The following CHD6 variants were observed in gnomAD, a reference collection of about 807,000 sequenced individuals.
CHD6 encodes the protein chromodomain helicase DNA binding protein 6.
CHD6 carries 50 observed loss-of-function variants against 276.9 expected under a neutral mutation model. That is an observed-to-expected ratio of 0.18 (90% CI 0.14 to 0.23). CHD6 has a LOEUF of 0.23. CHD6 is among the 10% of genes least tolerant of loss of function. The probability of loss-of-function intolerance (pLI) is 1.00; values close to 1 mark genes in which losing one functional copy is unlikely to be tolerated. For synonymous variants in CHD6, 1,173 were observed against 1,229.3 expected (o/e 0.95, Z 0.96); for missense variants, 2,564 against 3,365.8 (o/e 0.76, Z 5.89).
At chr20:41,598,257 G>A (rs768430125) in intron 1 of CHD6, among the ~76,000 whole-genome samples, 33 of 152,022 alleles carry the variant, frequency 2.2e-4, no homozygotes, top group Admixed American at 5.2e-4. Flanking sequence ...AATTAGTTTC[G>A]TTGCCTCGTC....
At chr20:41,515,429 A>C (rs1306991493) in intron 3 of CHD6, among the ~76,000 whole-genome samples, 1 of 152,172 alleles carries the variant, frequency 6.6e-6, no homozygotes, top group Admixed American at 6.5e-5. Flanking sequence ...ACAAGCTTAC[A>C]ATTATGAAAA....
At chr20:41,457,053 A>AT (rs879337331) in intron 18 of CHD6, among the ~76,000 whole-genome samples, 3 of 152,206 alleles carry the variant, frequency 2.0e-5, no homozygotes, top group Admixed American at 2.0e-4. Context: ...ATCCTACCTC[A>AT]TAACTGCTTC....
intron 16 of CHD6, among the ~76,000 whole-genome samples, chr20:41,482,747 T>C (rs1422042951): frequency 6.6e-6 from 1 of 152,192 alleles, no homozygotes; most frequent in Non-Finnish European, 1.5e-5. Flanking sequence ...CACAGACTTT[T>C]TACTTGCATG....
At chr20:41,453,751 A>C (rs2048310539) in intron 20 of CHD6, among the ~76,000 whole-genome samples, 1 of 152,222 alleles carries the variant, frequency 6.6e-6, no homozygotes, top group Non-Finnish European at 1.5e-5. Context: ...TGATTGCGAC[A>C]CTGTGAAACA....
At chr20:41,488,300 G>C in intron 13 of CHD6, 128 bp downstream of exon 13, 1 of 883,844 alleles carries the variant, frequency 1.1e-6, no homozygotes. Flanking sequence ...CAGTTATAGA[G>C]ACCAAAAAAG....
intron 31 of CHD6, among the ~76,000 whole-genome samples, chr20:41,419,888 T>C (rs2047129728): frequency 6.6e-6 from 1 of 152,208 alleles, no homozygotes; most frequent in Non-Finnish European, 1.5e-5. Context: ...TCTTAACATT[T>C]TGAAATTCCT....
intron 1 of CHD6, among the ~76,000 whole-genome samples, chr20:41,606,382 C>T (rs1431295742): frequency 1.3e-5 from 2 of 152,162 alleles, no homozygotes; most frequent in South Asian, 2.1e-4. Context: ...GGCGTGGTGG[C>T]GGGTGCCTGT....
intron 31 of CHD6, among the ~76,000 whole-genome samples, chr20:41,420,020 G>A (rs561810298): frequency 1.1e-4 from 16 of 152,262 alleles, no homozygotes; most frequent in African/African-American, 3.9e-4. Flanking sequence ...CTGACCTTAA[G>A]CCACACAGTT....
chr20:41,429,467 T>A (rs762042073), intron 27 of CHD6, among the ~76,000 whole-genome samples: 1 of 152,178 alleles, frequency 6.6e-6, no homozygotes, highest in Non-Finnish European at 1.5e-5. Context: ...ATTCTATGAC[T>A]CTCTGAACGC....
Position 41,473,268 on chromosome 20 carries a change from G to T in CHD6, c.2664+54C>A. The T allele has an allele frequency of 6.5e-7, 1 of 1,546,594 alleles. No individual in the cohort carries two copies. Among genetic ancestry groups the T allele is most frequent in the South Asian group, 1.2e-5 (1 of 85,914 alleles). ...CTGTAGCCAAGCCAGGCCCTATCAT[G>T]ATGTTCTGGGATCCAGGGCAGCTAA... On this transcript the variant is annotated intron_variant, in intron 17 of 36. Transcript: ENST00000373233. The surrounding 1 kb of genome is among the most constrained non-coding windows in gnomAD (Gnocchi z 4.1).
intron 1 of CHD6, among the ~76,000 whole-genome samples, chr20:41,607,615 A>C (rs1202089149): frequency 2.0e-5 from 3 of 152,128 alleles, no homozygotes; most frequent in African/African-American, 7.2e-5. Flanking sequence ...GGGGAGAGAG[A>C]TTGCTTCAAG....
At chr20:41,558,333 T>C (rs1031534516) in intron 1 of CHD6, among the ~76,000 whole-genome samples, 1 of 152,214 alleles carries the variant, frequency 6.6e-6, no homozygotes, top group Admixed American at 6.5e-5. Context: ...GCTGACAACA[T>C]GTGCCTCAGA....
At chr20:41,604,919 G>C (rs538677236) in intron 1 of CHD6, among the ~76,000 whole-genome samples, 3 of 152,230 alleles carry the variant, frequency 2.0e-5, no homozygotes, top group South Asian at 4.2e-4. Context: ...TCCTAATGGG[G>C]GACAGGGAGT....
chr20:41,435,650 T>G (rs1483354554), intron 27 of CHD6, among the ~76,000 whole-genome samples: 1 of 149,662 alleles, frequency 6.7e-6, no homozygotes, highest in Non-Finnish European at 1.5e-5. Context: ...TACAGTAAGA[T>G]TCAGTACTGT....
At chr20:41,587,290 A>T (rs1229692688) in intron 1 of CHD6, among the ~76,000 whole-genome samples, 1 of 152,254 alleles carries the variant, frequency 6.6e-6, no homozygotes, top group Non-Finnish European at 1.5e-5. Context: ...GTTATAAACT[A>T]ACTTTAAATT....
chr20:41,528,495 T>C (rs1055472447), intron 3 of CHD6, among the ~76,000 whole-genome samples: 6 of 152,142 alleles, frequency 3.9e-5, no homozygotes, highest in African/African-American at 1.4e-4. Context: ...GTCAGGAAAA[T>C]GACAGAGCCT....
At chr20:41,517,410 T>C (rs1014731224) in intron 3 of CHD6, among the ~76,000 whole-genome samples, 1 of 152,052 alleles carries the variant, frequency 6.6e-6, no homozygotes, top group African/African-American at 2.4e-5. Flanking sequence ...CAAACCTGCA[T>C]TTGTACCTCT....
intron 17 of CHD6, 128 bp from the exon 18 acceptor site, chr20:41,457,556 G>A: frequency 1.8e-6 from 2 of 1,116,212 alleles, no homozygotes; most frequent in Non-Finnish European, 2.5e-6. Flanking sequence ...TAACAGGACT[G>A]ATTTCAGAAC....
At chr20:41,603,996 G>A (rs200179964) in intron 1 of CHD6, among the ~76,000 whole-genome samples, 5 of 148,382 alleles carry the variant, frequency 3.4e-5, no homozygotes, top group African/African-American at 1.2e-4. Flanking sequence ...GCATGTGTGC[G>A]CATGCGTGTT....
Sources: gnomAD v4.1 joint callset for allele counts (sites outside exome capture counted in the v4.1 genomes callset) on GRCh38, gnomAD v4.1.1 for gene constraint, Gnocchi (gnomAD v3.1) non-coding constraint, MANE v1.5 for transcripts, NCBI Gene and HGNC (gene_info 2026-07-23, HGNC 2026-07-21) for gene names.